ATP8A2: variants seen among roughly 807,000 people sequenced by gnomAD.
The protein encoded by ATP8A2 is phospholipid-transporting ATPase IB.
Under a neutral mutation model 165.6 loss-of-function variants are expected in ATP8A2, and 100 were observed. The observed-to-expected ratio is 0.60, with a 90% CI of 0.51 to 0.71. The LOEUF (loss-of-function observed/expected upper bound fraction) is 0.71. ATP8A2 is among the 30% of genes least tolerant of loss of function. The pLI is 0.00. For missense variants in ATP8A2, 1,227 were observed against 1,479.5 expected, an observed-to-expected ratio of 0.83 and a Z score of 2.80; for synonymous variants, 543 against 548.8, an observed-to-expected ratio of 0.99 and a Z score of 0.15.
chr13:25,870,434 A>T (rs1412470183), intron 33 of ATP8A2, among the ~76,000 whole-genome samples: 1 of 152,120 alleles, frequency 6.6e-6, no homozygotes, highest in Non-Finnish European at 1.5e-5. Flanking sequence ...CCCTTCCCCC[A>T]TTCTGTATCA....
chr13:25,929,022 A>G (rs1458565590), intron 33 of ATP8A2, among the ~76,000 whole-genome samples: 3 of 151,940 alleles, frequency 2.0e-5, no homozygotes, highest in African/African-American at 4.8e-5. Context: ...GAATCCCTGC[A>G]ATTTTTCTAT....
At chr13:25,586,695 G>A (rs2039931104) in intron 23 of ATP8A2, among the ~76,000 whole-genome samples, 1 of 152,166 alleles carries the variant, frequency 6.6e-6, no homozygotes, top group African/African-American at 2.4e-5. Context: ...TCCTGTGATG[G>A]GTAGCTTGGT....
intron 15 of ATP8A2, among the ~76,000 whole-genome samples, chr13:25,562,109 C>T (rs977805436): frequency 7.9e-5 from 12 of 152,206 alleles, no homozygotes; most frequent in Admixed American, 1.3e-4. Flanking sequence ...TTTCAGTCTC[C>T]GCTTTCCATT....
intron 24 of ATP8A2, among the ~76,000 whole-genome samples, chr13:25,629,679 T>G (rs2041189736): frequency 6.6e-6 from 1 of 152,178 alleles, no homozygotes; most frequent in Non-Finnish European, 1.5e-5. Flanking sequence ...GAATGTCATC[T>G]TTCATTCTTT....
intron 35 of ATP8A2, among the ~76,000 whole-genome samples, chr13:25,995,003 T>G (rs1335619272): frequency 6.6e-6 from 1 of 152,066 alleles, no homozygotes; most frequent in African/African-American, 2.4e-5. Flanking sequence ...TAAATTCAAT[T>G]TCCTTAATAT....
At chr13:25,833,878 A>G (rs993804597) in intron 28 of ATP8A2, among the ~76,000 whole-genome samples, 3 of 152,218 alleles carry the variant, frequency 2.0e-5, no homozygotes, top group African/African-American at 7.2e-5. Flanking sequence ...ATAGACAAAG[A>G]GTGCATTTGC....
At chr13:25,732,675 A>G (rs1428945210) in intron 25 of ATP8A2, among the ~76,000 whole-genome samples, 2 of 152,202 alleles carry the variant, frequency 1.3e-5, no homozygotes, top group African/African-American at 4.8e-5. Flanking sequence ...GAGCTGGTCT[A>G]ACACGCTAAG....
At chr13:25,418,608 G>A (rs918049731) in intron 1 of ATP8A2, among the ~76,000 whole-genome samples, 2 of 152,138 alleles carry the variant, frequency 1.3e-5, no homozygotes, top group African/African-American at 4.8e-5. Context: ...TGAAATGAAT[G>A]TGCAAATAGA....
At chr13:25,655,096 G>A (rs2041898635) in intron 24 of ATP8A2, among the ~76,000 whole-genome samples, 1 of 152,138 alleles carries the variant, frequency 6.6e-6, no homozygotes, top group Non-Finnish European at 1.5e-5. Context: ...TCTACATTGA[G>A]GAAGTAGGCA....
chr13:25,933,707 A>T (rs1954820618), intron 33 of ATP8A2, among the ~76,000 whole-genome samples: 1 of 152,198 alleles, frequency 6.6e-6, no homozygotes, highest in South Asian at 2.1e-4. Flanking sequence ...AGGCAGCCTC[A>T]AAGGCCACGT....
chr13:25,704,359 A>T (rs2043012657), intron 25 of ATP8A2, among the ~76,000 whole-genome samples: 1 of 134,326 alleles, frequency 7.4e-6, no homozygotes, highest in African/African-American at 2.7e-5. Context: ...TTTTTGAGGC[A>T]GTCTTGCTCT....
At chr13:25,882,452 C>G (rs1019421625) in intron 33 of ATP8A2, among the ~76,000 whole-genome samples, 2 of 152,090 alleles carry the variant, frequency 1.3e-5, no homozygotes, top group African/African-American at 4.8e-5. Context: ...ATAACCTGTT[C>G]GCATCCACTT....
chr13:25,958,780 A>C (rs921928902), intron 33 of ATP8A2, among the ~76,000 whole-genome samples: 1 of 152,232 alleles, frequency 6.6e-6, no homozygotes, highest in Admixed American at 6.5e-5. Context: ...GCAACAGAAC[A>C]ATACTTTCAA....
At chr13:25,925,456 C>T (rs1318665041) in intron 33 of ATP8A2, among the ~76,000 whole-genome samples, 1 of 150,976 alleles carries the variant, frequency 6.6e-6, no homozygotes, top group Non-Finnish European at 1.5e-5. Context: ...ATGGCGTGAG[C>T]TCTGGAAGGC....
chr13:25,598,506 A>C (rs2040296531), intron 24 of ATP8A2, among the ~76,000 whole-genome samples: 1 of 152,168 alleles, frequency 6.6e-6, no homozygotes, highest in Admixed American at 6.5e-5. Flanking sequence ...TCATTTACTT[A>C]GGTCTTTAAA....
chr13:25,579,002 C>T, intron 21 of ATP8A2, 103 bp downstream of exon 21: 1 of 789,340 alleles, frequency 1.3e-6, no homozygotes, highest in South Asian at 1.4e-5. Flanking sequence ...TGCCCCATCC[C>T]CTCCTGTGCC....
At chr13:25,637,680 G>A (rs759300084) in intron 24 of ATP8A2, among the ~76,000 whole-genome samples, 7 of 152,146 alleles carry the variant, frequency 4.6e-5, no homozygotes, top group Non-Finnish European at 7.3e-5. Flanking sequence ...CAACTCTGGG[G>A]GCAGGGCATA....
intron 30 of ATP8A2, among the ~76,000 whole-genome samples, chr13:25,844,825 G>A (rs1342346313): frequency 6.6e-6 from 1 of 152,160 alleles, no homozygotes; most frequent in Non-Finnish European, 1.5e-5. Context: ...AAAGACAGGA[G>A]GTTTTACTAG....
At chr13:25,764,050 T>C (rs2044440299) in intron 25 of ATP8A2, among the ~76,000 whole-genome samples, 1 of 152,144 alleles carries the variant, frequency 6.6e-6, no homozygotes, top group Non-Finnish European at 1.5e-5. Context: ...AATAAGAAAA[T>C]CCTTTTCATA....
Sources: allele counts gnomAD v4.1 joint callset (sites outside exome capture counted in the v4.1 genomes callset), GRCh38; gene constraint gnomAD v4.1.1; transcripts MANE v1.5; gene names NCBI Gene and HGNC (gene_info 2026-07-23, HGNC 2026-07-21).